The following MAML1 variants were observed in gnomAD, a reference collection of about 807,000 sequenced individuals.
MAML1 encodes the protein mastermind like transcriptional coactivator 1.
MAML1 carries 14 observed loss-of-function variants against 77.1 expected under a neutral mutation model. The observed-to-expected ratio is 0.18, with a 90% CI of 0.12 to 0.28. The LOEUF (loss-of-function observed/expected upper bound fraction) is 0.28, where lower values mean the gene tolerates loss of function less well. Ranked by LOEUF, MAML1 falls within the 10% of genes least tolerant of loss-of-function variation. The pLI, the probability that MAML1 is intolerant of heterozygous loss-of-function variation, is 1.00. For synonymous variants in MAML1, 516 were observed against 551.9 expected (o/e 0.93, Z 0.91); for missense variants, 1,217 against 1,327.8 (o/e 0.92, Z 1.30).
chr5:179,753,227 G>A (rs926364254), intron 1 of MAML1, among the ~76,000 whole-genome samples: 9 of 149,920 alleles, frequency 6.0e-5, no homozygotes, highest in South Asian at 2.1e-4. Flanking sequence ...GTGTGTGCGC[G>A]CGCGCGCGCG....
intron 1 of MAML1, among the ~76,000 whole-genome samples, chr5:179,735,656 G>C (rs1036859635): frequency 2.0e-5 from 3 of 150,726 alleles, no homozygotes; most frequent in African/African-American, 4.9e-5. Flanking sequence ...CTCCCAAAGT[G>C]CTGGGATTAC....
At chr5:179,744,466 G>A (rs1046561519) in intron 1 of MAML1, among the ~76,000 whole-genome samples, 3 of 151,850 alleles carry the variant, frequency 2.0e-5, no homozygotes, top group African/African-American at 7.3e-5. Flanking sequence ...GATTACAAGC[G>A]TGAGCCACCA....
In MAML1 at chr5:179,774,273, T is replaced by G. The variant is rs779927918; in HGVS notation, c.2447T>G (p.Leu816Arg). Residue 816 changes from leucine (L) to arginine (R), a missense_variant, in exon 5 of 5, where the codon CTG becomes CGG. Transcript: ENST00000292599. The stretch of plus-strand genomic sequence containing the variant: ...TCCCAGCAGCACAATAAGGGGACCC[T>G]GAACCCTGGTTTAACAAAGCCACCG... The part of the protein sequence containing the change: ...GLSQQHNKGT[L>R]NPGLTKPPVP... 1 of 1,613,414 alleles carries G rather than the reference T, an allele frequency of 6.2e-7. No individual in the cohort carries two copies.
chr5:179,742,239 A>G (rs747274179), intron 1 of MAML1, among the ~76,000 whole-genome samples: 99 of 150,994 alleles, frequency 6.6e-4, no homozygotes, highest in African/African-American at 1.6e-3. Context: ...CTGTAATCCC[A>G]GCACTTTGGG....
rs7719163 is a variant in MAML1, at chr5:179,739,706, T to C, written c.315+6279T>C. 8.3e-3 allele frequency among the ~76,000 whole-genome samples: 1,260 copies of C among 152,280 alleles called. 16 individuals carry two copies. Among genetic ancestry groups the C allele is most frequent in the African/African-American group, 0.026 (1,091 of 41,538 alleles). On this transcript the variant is annotated intron_variant, in intron 1 of 4. Transcript: ENST00000292599. ...ATCAAAAATAAATAAAAAATAAAAATATGACAACATTTACATAGCATTTCT... is the reference window on the plus strand; with the variant it reads ...ATCAAAAATAAATAAAAAATAAAAACATGACAACATTTACATAGCATTTCT...
At chr5:179,751,653 C>T (rs1332373357) in intron 1 of MAML1, among the ~76,000 whole-genome samples, 1 of 151,736 alleles carries the variant, frequency 6.6e-6, no homozygotes, top group Non-Finnish European at 1.5e-5. Flanking sequence ...TGCAGTGAGC[C>T]AAGATCATGC....
intron 4 of MAML1, among the ~76,000 whole-genome samples, chr5:179,772,432 T>A (rs1756019861): frequency 6.6e-6 from 1 of 152,122 alleles, no homozygotes; most frequent in Non-Finnish European, 1.5e-5. Flanking sequence ...TTTTATTATA[T>A]GGTTGCTAGT....
chr5:179,771,495 A>C lies in MAML1; in HGVS notation c.2068+252A>C, dbSNP rs1054782670. ...CTGTACAGTTTTCTGAAGCAAAATCATTTCTAGTTGGAGGACATCTTATCA... is the reference window on the plus strand; with the variant it reads ...CTGTACAGTTTTCTGAAGCAAAATCCTTTCTAGTTGGAGGACATCTTATCA... On this transcript the variant is annotated intron_variant, in intron 4 of 4. Transcript: ENST00000292599. This position sits in a 1 kb window ranked among gnomAD's most constrained non-coding sequence, Gnocchi z 4.7. Among the ~76,000 whole-genome samples the C allele has an allele frequency of 8.5e-5, 13 of 152,228 alleles. 1 individual carries two copies. Among genetic ancestry groups the C allele is most frequent in the African/African-American group, 3.1e-4 (13 of 41,464 alleles).
rs772892789 is a variant in MAML1 at position 179,769,083 on chromosome 5, G to A, written c.1965G>A (p.Ala655=). 35 of 1,613,920 alleles carry A rather than the reference G, an allele frequency of 2.2e-5. No homozygotes were observed. The highest frequency in any genetic ancestry group is 1.6e-4 in the Middle Eastern group (1 of 6,078). ...QFLQRQQHLL[A]EQEKQQFQRH... ...TTCAGAGGCAACAGCACCTTCTCGC[G>A]GAACAGGTAAAAAGAAAAGTGGAAG... The change falls in exon 3 of 5, where the codon GCG becomes GCA. Residue 655 remains alanine (A), a synonymous_variant. Coordinates refer to ENST00000292599, the MANE Select transcript of MAML1 (RefSeq NM_014757.5). This position sits in a 1 kb window ranked among gnomAD's most constrained non-coding sequence, Gnocchi z 4.2.
At chr5:179,756,298 G>A (rs904349055) in intron 1 of MAML1, among the ~76,000 whole-genome samples, 1 of 151,610 alleles carries the variant, frequency 6.6e-6, no homozygotes, top group Non-Finnish European at 1.5e-5. Flanking sequence ...GGTGGCGGGC[G>A]CCTGTGGTCC....
chr5:179,777,156 A>G lies in MAML1; in HGVS notation c.*2279A>G, dbSNP rs963484602. On this transcript the variant is annotated 3_prime_UTR_variant, in exon 5 of 5. Coordinates refer to ENST00000292599, the MANE Select transcript of MAML1 (RefSeq NM_014757.5). Reference sequence around the variant, plus strand: ...TATTGTTAACTTTTTATTGTCATCAAAAGTTCATAAAAGTCCTATTAATCC... The same window carrying G: ...TATTGTTAACTTTTTATTGTCATCAGAAGTTCATAAAAGTCCTATTAATCC... 1.0e-6 allele frequency: 1 copy of G among 984,778 alleles called. No individual in the cohort carries two copies. 61.0% of individuals were successfully genotyped at this position (984,778 alleles called of 1,614,324 possible). A position where few individuals can be genotyped will look rare whatever the true frequency, so the allele number is the denominator to read the frequency against.
At chr5:179,740,487 A>G (rs747362313) in intron 1 of MAML1, among the ~76,000 whole-genome samples, 46 of 151,962 alleles carry the variant, frequency 3.0e-4, no homozygotes, top group Non-Finnish European at 1.9e-4. Context: ...CGTGTTAGCC[A>G]GGATGGTCTC....
rs913439165 is a variant in MAML1 at position 179,765,568 on chromosome 5, C to G, written c.558C>G (p.Leu186=). The G allele has an allele frequency of 6.2e-7, 1 of 1,614,040 alleles. No individual in the cohort carries two copies. Among genetic ancestry groups the G allele is most frequent in the South Asian group, 1.1e-5 (1 of 91,064 alleles). Residue 186 remains leucine (L), a synonymous_variant, in exon 2 of 5, where the codon CTC becomes CTG. Transcript: ENST00000292599. ...SGKHSLGLDS[L]NKKRLADSSL... ...AGCACTCTCTGGGGCTAGACTCTCTCAACAAAAAGCGTCTGGCTGACTCCA... is the reference window on the plus strand; with the variant it reads ...AGCACTCTCTGGGGCTAGACTCTCTGAACAAAAAGCGTCTGGCTGACTCCA...
chr5:179,732,977 G>T lies in MAML1; in HGVS notation c.-136G>T. On this transcript the variant is annotated 5_prime_UTR_variant, in exon 1 of 5. Coordinates refer to ENST00000292599, the MANE Select transcript of MAML1 (RefSeq NM_014757.5). ...GCAGGAGGAAAACCCGCCGCCGCGCGCGAGCCCGCTCCGCTGCCCTCGGGG... is the reference window on the plus strand; with the variant it reads ...GCAGGAGGAAAACCCGCCGCCGCGCTCGAGCCCGCTCCGCTGCCCTCGGGG... The T allele has an allele frequency of 4.6e-6, 2 of 438,140 alleles. No individual in the cohort carries two copies. The highest frequency in any genetic ancestry group is 3.5e-6 in the Non-Finnish European group (1 of 286,842). 27.1% of individuals were successfully genotyped at this position (438,140 alleles called of 1,614,324 possible). A position where few individuals can be genotyped will look rare whatever the true frequency, so the allele number is the denominator to read the frequency against.
At position 179,776,490 on chromosome 5, in the gene MAML1, A is replaced by G. The variant is rs73347986; in HGVS notation, c.*1613A>G. 2.4e-3 allele frequency: 2,336 copies of G among 985,734 alleles called. 58 individuals are homozygous for G. In the African/African-American group the frequency reaches 0.036, roughly 15 times the overall value. The allele number at this position is 985,734 out of a possible 1,614,324, so 61.1% of individuals were successfully genotyped here. On this transcript the variant is annotated 3_prime_UTR_variant, in exon 5 of 5. Transcript: ENST00000292599. ...TGCCACCCCAAGTGGTATGTCGGCCATTTCTCCTTAAAACACCTTCCCTAC... is the reference window on the plus strand; with the variant it reads ...TGCCACCCCAAGTGGTATGTCGGCCGTTTCTCCTTAAAACACCTTCCCTAC...
intron 1 of MAML1, among the ~76,000 whole-genome samples, chr5:179,762,050 G>A (rs2113369956): frequency 6.6e-6 from 1 of 152,320 alleles, no homozygotes. Context: ...GGCATTGGCT[G>A]CCAGTGTGTA....
At chr5:179,740,020 G>C (rs1385971938) in intron 1 of MAML1, among the ~76,000 whole-genome samples, 7 of 152,182 alleles carry the variant, frequency 4.6e-5, no homozygotes, top group African/African-American at 7.2e-5. Context: ...AAAATTAAAA[G>C]CAGAGTCATG....
At chr5:179,756,330 C>T (rs970180372) in intron 1 of MAML1, among the ~76,000 whole-genome samples, 3 of 150,064 alleles carry the variant, frequency 2.0e-5, no homozygotes, top group African/African-American at 4.9e-5. Context: ...GAGGCTGAGG[C>T]GGGGGAGTGG....
In MAML1 at chr5:179,775,058, G is replaced by T; in HGVS notation, c.*181G>T. 2 of 1,413,404 alleles carry T rather than the reference G, an allele frequency of 1.4e-6. No homozygotes were observed. Among genetic ancestry groups the T allele is most frequent in the Non-Finnish European group, 1.8e-6 (2 of 1,088,768 alleles). The allele number at this position is 1,413,404 out of a possible 1,614,324, so 87.6% of individuals were successfully genotyped here. On this transcript the variant is annotated 3_prime_UTR_variant, in exon 5 of 5. Transcript: ENST00000292599. Reference sequence around the variant, plus strand: ...TGTGGCTGCGCCCCTCAGGCCAGCAGTTGAGGTCCATCGGGCTGGCCCCAG... The same window carrying T: ...TGTGGCTGCGCCCCTCAGGCCAGCATTTGAGGTCCATCGGGCTGGCCCCAG...
Sources: gnomAD v4.1 joint callset for allele counts (sites outside exome capture counted in the v4.1 genomes callset) on GRCh38, gnomAD v4.1.1 for gene constraint, Gnocchi (gnomAD v3.1) non-coding constraint, MANE v1.5 for transcripts, NCBI Gene and HGNC (gene_info 2026-07-23, HGNC 2026-07-21) for gene names.